The following CNTLN variants were observed in gnomAD, a reference collection of about 807,000 sequenced individuals.
CNTLN encodes centlein, centrosomal protein.
In CNTLN, 212 loss-of-function variants were observed where a neutral mutation model predicts 180.0. That is an observed-to-expected ratio of 1.18 (90% CI 1.05 to 1.32). The LOEUF (loss-of-function observed/expected upper bound fraction) is 1.32. Among genes scored for constraint, CNTLN ranks in the 40% most tolerant of loss-of-function variants. The pLI is 0.00. For missense variants in CNTLN, 2,095 were observed against 1,610.9 expected, an observed-to-expected ratio of 1.30 and a Z score of -5.14; for synonymous variants, 722 against 563.1, an observed-to-expected ratio of 1.28 and a Z score of -3.99.
intron 2 of CNTLN, among the ~76,000 whole-genome samples, chr9:17,202,609 A>G (rs990144647): frequency 7.2e-6 from 1 of 139,430 alleles, no homozygotes; most frequent in Admixed American, 7.2e-5. Context: ...TTGTTTGTTT[A>G]AAGTCTGTTT....
chr9:17,383,978 A>G (rs1050945326), intron 13 of CNTLN, among the ~76,000 whole-genome samples: 53 of 152,226 alleles, frequency 3.5e-4, no homozygotes, highest in Non-Finnish European at 7.2e-4. Flanking sequence ...CACAGTTACA[A>G]TGTTAAACTT....
chr9:17,496,763 A>G (rs1833478775), intron 25 of CNTLN, among the ~76,000 whole-genome samples: 1 of 152,240 alleles, frequency 6.6e-6, no homozygotes, highest in Admixed American at 6.5e-5. Flanking sequence ...AGTGGACTGT[A>G]GACTCTTAAA....
At chr9:17,471,898 C>G (rs1252599309) in intron 23 of CNTLN, among the ~76,000 whole-genome samples, 1 of 151,874 alleles carries the variant, frequency 6.6e-6, no homozygotes, top group African/African-American at 2.4e-5. Flanking sequence ...AATGCTGAGA[C>G]CCAACATGTA....
intron 8 of CNTLN, among the ~76,000 whole-genome samples, chr9:17,327,119 G>A (rs909200121): frequency 9.5e-5 from 14 of 147,148 alleles, no homozygotes; most frequent in African/African-American, 3.2e-4. Flanking sequence ...CATAGTATCT[G>A]CTTAGTTTTT....
intron 18 of CNTLN, among the ~76,000 whole-genome samples, chr9:17,450,813 A>G (rs1235772852): frequency 6.6e-6 from 1 of 151,850 alleles, no homozygotes; most frequent in Non-Finnish European, 1.5e-5. Context: ...AAATAATTAC[A>G]TCTCTGCCTA....
intron 6 of CNTLN, among the ~76,000 whole-genome samples, chr9:17,287,427 T>A (rs1252593930): frequency 1.3e-5 from 2 of 151,174 alleles, no homozygotes; most frequent in Admixed American, 1.3e-4. Context: ...TATTCAGGAT[T>A]TTTGCATCAA....
chr9:17,453,717 G>T (rs536146704), intron 18 of CNTLN, among the ~76,000 whole-genome samples: 4 of 152,274 alleles, frequency 2.6e-5, no homozygotes, highest in African/African-American at 9.6e-5. Flanking sequence ...AGTTACTTGT[G>T]GGTATAGGAC....
chr9:17,489,291 C>A (rs1376616012), intron 25 of CNTLN, among the ~76,000 whole-genome samples: 2 of 152,076 alleles, frequency 1.3e-5, no homozygotes, highest in Non-Finnish European at 1.5e-5. Flanking sequence ...TTCATTCATA[C>A]ATTTTGTTTA....
At chr9:17,231,050 G>C (rs1389561594) in intron 3 of CNTLN, among the ~76,000 whole-genome samples, 1 of 152,022 alleles carries the variant, frequency 6.6e-6, no homozygotes, top group Admixed American at 6.6e-5. Flanking sequence ...GCGTTGGTTT[G>C]CTGGATAGTC....
At chr9:17,495,087 C>T (rs962882870) in intron 25 of CNTLN, 3 of 355,746 alleles carry the variant, frequency 8.4e-6, no homozygotes, top group Non-Finnish European at 1.7e-5. Flanking sequence ...GCCATGTTGC[C>T]CAGGCTGGTC....
At chr9:17,486,655 T>C (rs1832904579) in intron 24 of CNTLN, among the ~76,000 whole-genome samples, 1 of 152,108 alleles carries the variant, frequency 6.6e-6, no homozygotes, top group Admixed American at 6.6e-5. Context: ...GAGAGTCACC[T>C]GTAAATGATT....
chr9:17,302,241 G>A (rs1818420884), intron 7 of CNTLN, among the ~76,000 whole-genome samples: 1 of 150,528 alleles, frequency 6.6e-6, no homozygotes, highest in African/African-American at 2.5e-5. Context: ...CTGTTGCCTA[G>A]GCTGGAGTGC....
intron 16 of CNTLN, among the ~76,000 whole-genome samples, chr9:17,410,389 G>C (rs886216705): frequency 1.3e-5 from 2 of 152,074 alleles, no homozygotes; most frequent in Non-Finnish European, 2.9e-5. Context: ...CAAATGAGTT[G>C]TCTGTATTTT....
intron 5 of CNTLN, among the ~76,000 whole-genome samples, chr9:17,249,607 C>A (rs1050842715): frequency 7.2e-5 from 11 of 152,004 alleles, no homozygotes; most frequent in African/African-American, 1.7e-4. Context: ...CCTCGGCCCC[C>A]CAAAGTGCTG....
At chr9:17,408,011 C>T (rs1296044519) in intron 15 of CNTLN, among the ~76,000 whole-genome samples, 2 of 151,160 alleles carry the variant, frequency 1.3e-5, no homozygotes, top group Admixed American at 1.3e-4. Context: ...CCTGTAATCC[C>T]AGCTACTCGG....
At chr9:17,407,953 C>G (rs1360205983) in intron 15 of CNTLN, among the ~76,000 whole-genome samples, 5 of 151,612 alleles carry the variant, frequency 3.3e-5, no homozygotes, top group Admixed American at 3.3e-4. Context: ...TGGTGAAACC[C>G]CATCTCTCCT....
intron 15 of CNTLN, among the ~76,000 whole-genome samples, chr9:17,405,212 G>A (rs1827284931): frequency 6.6e-6 from 1 of 151,532 alleles, no homozygotes; most frequent in Non-Finnish European, 1.5e-5. Flanking sequence ...TTTAACTTCA[G>A]TGTCATTTGT....
intron 13 of CNTLN, among the ~76,000 whole-genome samples, chr9:17,381,377 A>G (rs751352453): frequency 3.3e-5 from 5 of 152,228 alleles, no homozygotes; most frequent in Non-Finnish European, 7.3e-5. Context: ...GCAGCCAGCA[A>G]TAACCAAACT....
At chr9:17,204,710 A>G (rs1376785319) in intron 2 of CNTLN, among the ~76,000 whole-genome samples, 2 of 152,142 alleles carry the variant, frequency 1.3e-5, no homozygotes, top group Non-Finnish European at 2.9e-5. Flanking sequence ...TTGCTGGGAG[A>G]ATCACTATTG....
Sources: gnomAD v4.1 joint callset for allele counts (sites outside exome capture counted in the v4.1 genomes callset) on GRCh38, gnomAD v4.1.1 for gene constraint, MANE v1.5 for transcripts, NCBI Gene and HGNC (gene_info 2026-07-23, HGNC 2026-07-21) for gene names.